The following GNAO1 variants were observed in gnomAD, a reference collection of about 807,000 sequenced individuals.
The protein encoded by GNAO1 is G protein subunit alpha o1.
For missense variants in GNAO1, 166 were observed against 478.7 expected, an observed-to-expected ratio of 0.35 and a Z score of 6.10; for synonymous variants, 164 against 180.7, an observed-to-expected ratio of 0.91 and a Z score of 0.74.
chr16:56,296,604 A>G (rs1042244671), intron 3 of GNAO1, among the ~76,000 whole-genome samples: 1 of 152,172 alleles, frequency 6.6e-6, no homozygotes, highest in East Asian at 1.9e-4. Flanking sequence ...AAGGCTATTC[A>G]GGGTGCCTCT....
intron 6 of GNAO1, chr16:56,343,861 G>A (rs749685192): frequency 1.2e-6 from 2 of 1,614,054 alleles, no homozygotes; most frequent in African/African-American, 1.3e-5. Context: ...CGTCACCTGC[G>A]CCACGGACAC....
intron 2 of GNAO1, among the ~76,000 whole-genome samples, chr16:56,245,350 C>G (rs774085218): frequency 6.6e-6 from 1 of 152,192 alleles, no homozygotes; most frequent in Non-Finnish European, 1.5e-5. Context: ...TTTGATTCAG[C>G]TTGGCTGGGG....
chr16:56,325,332 C>T (rs1165747577), intron 3 of GNAO1, among the ~76,000 whole-genome samples: 2 of 152,128 alleles, frequency 1.3e-5, no homozygotes, highest in Non-Finnish European at 2.9e-5. Context: ...CAAAATTAGC[C>T]GGGCGTGGTG....
At chr16:56,242,391 T>C (rs564338535) in intron 2 of GNAO1, among the ~76,000 whole-genome samples, 63 of 152,232 alleles carry the variant, frequency 4.1e-4, no homozygotes, top group African/African-American at 1.5e-3. Context: ...AAGAATAAGG[T>C]AGGACTCACA....
intron 1 of GNAO1, 28 bp from the exon 2 acceptor site, chr16:56,192,545 GT>G: frequency 2.7e-6 from 4 of 1,487,626 alleles, no homozygotes; most frequent in Non-Finnish European, 3.7e-6. Flanking sequence ...ACACTCACCA[GT>G]TTTTCCCCAC....
intron 6 of GNAO1, among the ~76,000 whole-genome samples, chr16:56,337,807 C>T (rs1198802281): frequency 6.6e-6 from 1 of 152,206 alleles, no homozygotes; most frequent in African/African-American, 2.4e-5. Context: ...TTCTGGGCTG[C>T]AGCCCGCCAG....
chr16:56,215,432 A>G (rs749135469), intron 2 of GNAO1, among the ~76,000 whole-genome samples: 1 of 152,230 alleles, frequency 6.6e-6, no homozygotes, highest in South Asian at 2.1e-4. Flanking sequence ...AAGCGGTTTC[A>G]GCACAATGAA....
chr16:56,350,252 T>G (rs1319574049), intron 6 of GNAO1, among the ~76,000 whole-genome samples: 1 of 152,214 alleles, frequency 6.6e-6, no homozygotes, highest in African/African-American at 2.4e-5. Context: ...GTCACTCTTC[T>G]TATTTCAGAG....
intron 2 of GNAO1, among the ~76,000 whole-genome samples, chr16:56,243,853 G>A (rs1156506317): frequency 1.3e-5 from 2 of 152,202 alleles, no homozygotes; most frequent in Non-Finnish European, 2.9e-5. Flanking sequence ...TCCAGGCACA[G>A]TTCTTAAGCA....
chr16:56,236,480 C>A (rs2036638212), intron 2 of GNAO1, among the ~76,000 whole-genome samples: 1 of 152,170 alleles, frequency 6.6e-6, no homozygotes, highest in South Asian at 2.1e-4. Flanking sequence ...CCAGGTATGA[C>A]TTCCAGATAG....
intron 2 of GNAO1, chr16:56,193,768 C>T (rs1048369539): frequency 7.1e-6 from 2 of 281,436 alleles, no homozygotes; most frequent in African/African-American, 4.4e-5. Context: ...GCCCTCCGGG[C>T]CTCCTGTTTC....
chr16:56,339,383 G>T (rs1843700979), intron 6 of GNAO1, among the ~76,000 whole-genome samples: 1 of 152,258 alleles, frequency 6.6e-6, no homozygotes, highest in Admixed American at 6.5e-5. Context: ...TCATCACTCA[G>T]TGAATAGCTC....
intron 2 of GNAO1, among the ~76,000 whole-genome samples, chr16:56,234,000 G>A (rs2036614433): frequency 6.6e-6 from 1 of 152,234 alleles, no homozygotes; most frequent in Non-Finnish European, 1.5e-5. Context: ...TTTGCCCCCA[G>A]CCTCTCTACC....
chr16:56,287,942 G>C (rs2143550864), intron 3 of GNAO1, among the ~76,000 whole-genome samples: 1 of 152,334 alleles, frequency 6.6e-6, no homozygotes, highest in South Asian at 2.1e-4. Flanking sequence ...GCGCTGCATA[G>C]ACCGTGCACC....
intron 2 of GNAO1, among the ~76,000 whole-genome samples, chr16:56,198,465 T>C (rs1415915100): frequency 6.6e-6 from 1 of 152,202 alleles, no homozygotes; most frequent in Non-Finnish European, 1.5e-5. Context: ...CAGTTTAGCA[T>C]GCTTCTCTAA....
chr16:56,338,992 G>A (rs1441276024), intron 6 of GNAO1, among the ~76,000 whole-genome samples: 1 of 152,258 alleles, frequency 6.6e-6, no homozygotes, highest in African/African-American at 2.4e-5. Flanking sequence ...CAAGGTCACA[G>A]GCAGGCTCTT....
rs1338624658 is a variant in GNAO1, at chr16:56,191,909, T to C, written c.-327T>C. ...CTATTATTTTATTTATTTTGGGTCG[T>C]GCACAAGCCTCAGTGCCTGCAGTCC... On this transcript the variant is annotated 5_prime_UTR_variant, in exon 1 of 9. Transcript: ENST00000262493. The surrounding 1 kb of genome is among the most constrained non-coding windows in gnomAD (Gnocchi z 4.7). 2.0e-5 allele frequency: 7 copies of C among 341,714 alleles called. No homozygotes were observed. In the South Asian group the frequency reaches 2.7e-4, roughly 13 times the overall value. 21.2% of individuals were successfully genotyped at this position (341,714 alleles called of 1,614,324 possible).
At chr16:56,317,592 G>A (rs2143621808) in intron 3 of GNAO1, among the ~76,000 whole-genome samples, 1 of 152,280 alleles carries the variant, frequency 6.6e-6, no homozygotes, top group Admixed American at 6.5e-5. Context: ...ATGGTGGTGG[G>A]TTGGAAGGGA....
chr16:56,248,423 A>T (rs573172167), intron 2 of GNAO1, among the ~76,000 whole-genome samples: 1 of 152,326 alleles, frequency 6.6e-6, no homozygotes, highest in Non-Finnish European at 1.5e-5. Flanking sequence ...ATACAAAAAG[A>T]GTTTGTTCAC....
Sources: gnomAD v4.1 joint callset for allele counts (sites outside exome capture counted in the v4.1 genomes callset) on GRCh38, gnomAD v4.1.1 for gene constraint, Gnocchi (gnomAD v3.1) non-coding constraint, MANE v1.5 for transcripts, NCBI Gene and HGNC (gene_info 2026-07-23, HGNC 2026-07-21) for gene names.